DOCK9: variants seen among roughly 807,000 people sequenced by gnomAD.
DOCK9 encodes dedicator of cytokinesis 9.
In DOCK9, 89 loss-of-function variants were observed where a neutral mutation model predicts 263.3. That is an observed-to-expected ratio of 0.34 (90% CI 0.28 to 0.40). The LOEUF is 0.40. DOCK9 is among the 10% of genes least tolerant of loss of function. The pLI is 1.00. For synonymous variants in DOCK9, 976 were observed against 973.1 expected (o/e 1.00, Z -0.06); for missense variants, 2,140 against 2,603.4 (o/e 0.82, Z 3.87).
At chr13:98,985,458 C>T (rs117256355) in intron 1 of DOCK9, among the ~76,000 whole-genome samples, 4,202 of 152,254 alleles carry the variant, frequency 0.028, 94 homozygotes, top group South Asian at 0.063. Flanking sequence ...TTGTTCATTG[C>T]TGTGTTCCCA....
chr13:98,849,437 T>C (rs2093494770), intron 36 of DOCK9, among the ~76,000 whole-genome samples: 1 of 151,488 alleles, frequency 6.6e-6, no homozygotes, highest in South Asian at 2.1e-4. Context: ...AGAAATTCTT[T>C]TTTTTTTTTT....
intron 15 of DOCK9, among the ~76,000 whole-genome samples, chr13:98,895,718 T>C (rs1469518494): frequency 6.6e-6 from 1 of 151,842 alleles, no homozygotes; most frequent in Non-Finnish European, 1.5e-5. Flanking sequence ...AAACTAGTAG[T>C]AAACCTTTTT....
chr13:99,025,464 T>A (rs1382868493), intron 1 of DOCK9: 1 of 152,206 alleles, frequency 6.6e-6, no homozygotes, highest in Non-Finnish European at 1.5e-5. Flanking sequence ...CACTTCACAC[T>A]CACTAGATGG....
intron 52 of DOCK9, 40 bp from the exon 53 acceptor site, chr13:98,794,788 G>A (rs746230011): frequency 2.5e-6 from 4 of 1,609,364 alleles, no homozygotes; most frequent in Admixed American, 1.7e-5. Flanking sequence ...GGCAACACAA[G>A]GTTACCATAT....
chr13:99,009,240 C>T (rs771367457), intron 1 of DOCK9, among the ~76,000 whole-genome samples: 13 of 152,206 alleles, frequency 8.5e-5, no homozygotes, highest in Non-Finnish European at 1.5e-4. Context: ...CACAATAGAG[C>T]AGGGCAATCT....
chr13:98,896,489 CA>C (rs35867799), intron 15 of DOCK9, among the ~76,000 whole-genome samples: 1,845 of 91,822 alleles, frequency 0.02, 28 homozygotes, highest in African/African-American at 0.057. Flanking sequence ...TTGATATGCA[CA>C]AAAAAAAAAA....
In DOCK9 at chr13:98,807,823, C is replaced by A; in HGVS notation, c.5368-16G>T. On this transcript the variant is annotated splice_polypyrimidine_tract_variant and intron_variant, in intron 47 of 52. Transcript: ENST00000682017. ...CAAAGAATCCCTGTGACATAAAGCA[C>A]AATTAGAGCTATCCCTGAACGTAAG... 1 of 1,598,546 alleles carries A rather than the reference C, an allele frequency of 6.3e-7. No homozygotes were observed. Among genetic ancestry groups the A allele is most frequent in the Non-Finnish European group, 8.5e-7 (1 of 1,169,646 alleles).
In DOCK9 at chr13:98,860,186, T is replaced by C. The variant is rs1044286560; in HGVS notation, c.3697+219A>G. On this transcript the variant is annotated intron_variant, in intron 33 of 52. Transcript: ENST00000682017. The stretch of plus-strand genomic sequence containing the variant: ...CAAACAGCGTGAGCCAGTGATTAAC[T>C]GTATGATCCTGAGGAGTCACAGGCA... The C allele has an allele frequency of 3.6e-6, 5 of 1,378,972 alleles. No individual in the cohort carries two copies. In the African/African-American group the frequency reaches 4.3e-5, roughly 12 times the overall value. The allele number at this position is 1,378,972 out of a possible 1,614,324, so 85.4% of individuals were successfully genotyped here.
intron 7 of DOCK9, among the ~76,000 whole-genome samples, chr13:98,915,823 C>T (rs1239360777): frequency 6.6e-6 from 1 of 152,146 alleles, no homozygotes; most frequent in African/African-American, 2.4e-5. Context: ...CATCCTTAGT[C>T]TCTATGGACT....
chr13:99,083,683 C>T (rs1217721797), intron 1 of DOCK9, among the ~76,000 whole-genome samples: 1 of 152,146 alleles, frequency 6.6e-6, no homozygotes, highest in Non-Finnish European at 1.5e-5. Flanking sequence ...CATGAAAGTC[C>T]ATGAACCTGA....
chr13:99,065,496 C>G (rs926742265), intron 1 of DOCK9, among the ~76,000 whole-genome samples: 2 of 152,202 alleles, frequency 1.3e-5, no homozygotes, highest in Non-Finnish European at 2.9e-5. Flanking sequence ...GCCTTCCTCA[C>G]TCCCTGGGTG....
At chr13:98,966,755 C>T (rs1436422189) in intron 1 of DOCK9, among the ~76,000 whole-genome samples, 1 of 152,212 alleles carries the variant, frequency 6.6e-6, no homozygotes, top group Non-Finnish European at 1.5e-5. Flanking sequence ...CACTGCCAGG[C>T]AGGCAGTATA....
chr13:98,955,433 A>T lies in DOCK9; in HGVS notation c.243+2T>A. 1.3e-6 allele frequency: 2 copies of T among 1,570,678 alleles called. No homozygotes were observed. Among genetic ancestry groups the T allele is most frequent in the South Asian group, 1.2e-5 (1 of 85,588 alleles). ...TACGGATAGAAACATAACGTTACTT[A>T]CCTGAAAGTCATCGTAAGGGAAGAG... On this transcript the variant is annotated splice_donor_variant, in intron 2 of 52. Coordinates refer to ENST00000682017, the MANE Select transcript of DOCK9 (RefSeq NM_001366683.2). LOFTEE classifies it high-confidence loss of function.
In DOCK9 at chr13:98,803,937, T is replaced by C. The variant is rs76534542; in HGVS notation, c.5725+1062A>G. Among the ~76,000 whole-genome samples, 4 of 72,834 alleles carry C rather than the reference T, an allele frequency of 5.5e-5. No homozygotes were observed. In the Admixed American group the frequency reaches 7.8e-4, roughly 14 times the overall value. The allele number at this position is 72,834 out of a possible 152,430, so 47.8% of individuals were successfully genotyped here. ...TCCTGGGCTAATTCATAAAAACCTG[T>C]ATTTTTTTTTTTTTTTTTGTAACAG... On this transcript the variant is annotated intron_variant, in intron 49 of 52. Transcript: ENST00000682017.
chr13:98,827,323 G>A (rs1448898786), intron 43 of DOCK9, among the ~76,000 whole-genome samples: 1 of 152,046 alleles, frequency 6.6e-6, no homozygotes, highest in Non-Finnish European at 1.5e-5. Flanking sequence ...AAAATTAAGA[G>A]CAAGTTATAA....
At chr13:99,024,178 C>T (rs543600663) in intron 1 of DOCK9, among the ~76,000 whole-genome samples, 3 of 152,172 alleles carry the variant, frequency 2.0e-5, no homozygotes, top group South Asian at 2.1e-4. Flanking sequence ...TTGGCAAAGC[C>T]GTCTAGCATC....
chr13:98,991,139 T>C lies in DOCK9; in HGVS notation c.130-35588A>G, dbSNP rs543089839. Among the ~76,000 whole-genome samples the C allele has an allele frequency of 9.7e-4, 147 of 152,218 alleles. 2 individuals carry two copies. The highest frequency in any genetic ancestry group is 3.4e-3 in the African/African-American group (140 of 41,542). On this transcript the variant is annotated intron_variant, in intron 1 of 32. Transcript: ENST00000427887. ...CAGGCTGGAGTGCAGTGGCATGATTTTGGCTCACCACAACCTCCGCCTCCT... is the reference window on the plus strand; with the variant it reads ...CAGGCTGGAGTGCAGTGGCATGATTCTGGCTCACCACAACCTCCGCCTCCT...
chr13:98,999,797 C>T (rs1434100465), intron 1 of DOCK9, among the ~76,000 whole-genome samples: 1 of 152,104 alleles, frequency 6.6e-6, no homozygotes, highest in African/African-American at 2.4e-5. Context: ...CAAAACTGGT[C>T]ACAAAGAGTA....
chr13:98,970,598 C>T (rs376663876), intron 1 of DOCK9, among the ~76,000 whole-genome samples: 72 of 152,268 alleles, frequency 4.7e-4, no homozygotes, highest in South Asian at 8.3e-4. Context: ...GGCTCCTCCC[C>T]GGGAACCTGG....
Sources: gnomAD v4.1 joint callset for allele counts (sites outside exome capture counted in the v4.1 genomes callset) on GRCh38, gnomAD v4.1.1 for gene constraint, MANE v1.5 for transcripts, NCBI Gene and HGNC (gene_info 2026-07-23, HGNC 2026-07-21) for gene names.